Variants in TM2D2 observed in about 807,000 individuals in gnomAD.
TM2D2 encodes TM2 domain containing 2, also known as TM2 domain-containing protein 2.
In TM2D2, 19 loss-of-function variants were observed where a neutral mutation model predicts 23.0. The observed-to-expected ratio is 0.82, with a 90% CI of 0.58 to 1.21. TM2D2 has a LOEUF of 1.21. Among genes scored for constraint, TM2D2 ranks in the 50% most tolerant of loss-of-function variants. The probability of loss-of-function intolerance (pLI) is 0.00; values close to 1 mark genes in which losing one functional copy is unlikely to be tolerated. For missense variants in TM2D2, 246 were observed against 265.4 expected, an observed-to-expected ratio of 0.93 and a Z score of 0.51; for synonymous variants, 120 against 108.8, an observed-to-expected ratio of 1.10 and a Z score of -0.64.
chr8:38,996,453 G>T lies in TM2D2; in HGVS notation c.-14C>A. On this transcript the variant is annotated 5_prime_UTR_variant, in exon 1 of 4. It adds an upstream start codon to the 5' untranslated region. Transcript: ENST00000456397. ...ACCTAGCACCATCTTCCCGGGCACA[G>T]GAGCGGAGACCCGGCCTCAACCACA... The T allele has an allele frequency of 1.2e-6, 2 of 1,613,656 alleles. No individual in the cohort carries two copies. Among genetic ancestry groups the T allele is most frequent in the Non-Finnish European group, 8.5e-7 (1 of 1,179,826 alleles).
Position 38,996,317 on chromosome 8 carries a change from C to T in TM2D2, c.123G>A (p.Glu41=), listed in dbSNP as rs1464400131. ...SRSHSQNATA[E]PELTSAGAAQ... ...CGGCGCCAGCGGATGTGAGCTCAGG[C>T]TCAGCGGTCGCATTTTGCGAGTGGC... The change falls in exon 1 of 4, where the codon GAG becomes GAA. Residue 41 remains glutamate (E), a synonymous_variant. Coordinates refer to ENST00000456397, the MANE Select transcript of TM2D2 (RefSeq NM_078473.3). 1.6e-5 allele frequency: 26 copies of T among 1,614,178 alleles called. No individual in the cohort carries two copies. Among genetic ancestry groups the T allele is most frequent in the East Asian group, 2.2e-5 (1 of 44,886 alleles).
chr8:38,993,686 A>T, intron 2 of TM2D2, 26 bp from the exon 3 acceptor site: 1 of 1,539,600 alleles, frequency 6.5e-7, no homozygotes, highest in South Asian at 1.1e-5. Flanking sequence ...CAAGACCAAA[A>T]CCAACTCACC....
In TM2D2 at chr8:38,993,642, T is replaced by G; in HGVS notation, c.334A>C (p.Ser112Arg). The G allele has an allele frequency of 6.2e-7, 1 of 1,613,630 alleles. No individual in the cohort carries two copies. The highest frequency in any genetic ancestry group is 8.5e-7 in the Non-Finnish European group (1 of 1,179,608). ...TGGACTGAAGTGTGTTCCACGTCGC[T>G]GTAGGCCTGACCGCCGAACTGTGGA... is the stretch of plus-strand genomic sequence containing the variant. ...GCLKFGGQAY[S>R]DVEHTSVQCH... The change falls in exon 3 of 4, where the codon AGC (serine) becomes CGC (arginine). Residue 112 changes from serine to arginine, a missense_variant. By Grantham distance (110) the Ser-to-Arg change is moderately radical. Transcript: ENST00000456397.
chr8:38,991,573 G>A, intron 3 of TM2D2, 28 bp from the exon 4 acceptor site: 2 of 1,550,644 alleles, frequency 1.3e-6, no homozygotes, highest in South Asian at 1.1e-5. Context: ...AAAGGAAGAT[G>A]TTTTACTGCA....
upstream of TM2D2, chr8:38,996,837 G>A: frequency 6.9e-7 from 1 of 1,439,486 alleles, no homozygotes; most frequent in Admixed American, 2.7e-5. Context: ...TTCTCGCGCC[G>A]GGGACTGGAT....
Position 38,993,528 on chromosome 8 carries a change from A to G in TM2D2, c.431+17T>C. 5.7e-6 allele frequency: 9 copies of G among 1,571,086 alleles called. No individual in the cohort carries two copies. Among genetic ancestry groups the G allele is most frequent in the East Asian group, 2.2e-5 (1 of 44,500 alleles). The stretch of plus-strand genomic sequence containing the variant: ...CTCCAACCAAGTACCAACTACTCCA[A>G]TCAAAGTAACACTTACTTTATACAA... On this transcript the variant is annotated intron_variant, in intron 3 of 3. Coordinates refer to ENST00000456397, the MANE Select transcript of TM2D2 (RefSeq NM_078473.3).
At chr8:38,996,004 T>G (rs1564199418) in intron 1 of TM2D2, among the ~76,000 whole-genome samples, 1 of 152,188 alleles carries the variant, frequency 6.6e-6, no homozygotes, top group Non-Finnish European at 1.5e-5. Context: ...TTTTCCTCTT[T>G]GGGGATCTCA....
At chr8:38,993,749 G>A in intron 2 of TM2D2, 89 bp from the exon 3 acceptor site, 1 of 939,074 alleles carries the variant, frequency 1.1e-6, no homozygotes, top group Non-Finnish European at 1.6e-6. Context: ...CAGAATGAAA[G>A]CGGCCTCAGG....
upstream of TM2D2, chr8:38,996,582 G>A (rs1835810656): frequency 6.8e-7 from 1 of 1,464,386 alleles, no homozygotes; most frequent in South Asian, 1.4e-5. Context: ...GCAGCTCGAC[G>A]CTCCGCGCAC....
At position 38,991,372 on chromosome 8, in the gene TM2D2, A is replaced by G. The variant is rs1354596289; in HGVS notation, c.605T>C (p.Leu202Pro). Residue 202 changes from leucine to proline, a missense_variant, in exon 4 of 4, where the codon CTG becomes CCG. Physicochemically the swap from Leu to Pro is moderately conservative, Grantham distance 98. Around this residue, in one of 2 missense-constraint regions of TM2D2, gnomAD observed 34 missense variants for 63.2 expected, o/e 0.54. Transcript: ENST00000456397. Reference protein sequence around the residue: ...VDLILLITGGLMPSDGSNWCT... With the variant: ...VDLILLITGGPMPSDGSNWCT... ...CCAGTTGCTGCCATCACTTGGCATC[A>G]GCCCTCCAGTAATTAGCAAAATAAG... is the stretch of plus-strand genomic sequence containing the variant. The G allele has an allele frequency of 1.2e-6, 2 of 1,614,194 alleles. No homozygotes were observed. The highest frequency in any genetic ancestry group is 1.7e-6 in the Non-Finnish European group (2 of 1,180,024).
intron 3 of TM2D2, among the ~76,000 whole-genome samples, chr8:38,992,133 A>G (rs1021187825): frequency 6.6e-6 from 1 of 152,048 alleles, no homozygotes; most frequent in South Asian, 2.1e-4. Context: ...ACAGCCAGAA[A>G]GGTTTTTAAG....
rs902834216 is a variant in TM2D2 at position 38,994,218 on chromosome 8, C to A, written c.316-558G>T. Among the ~76,000 whole-genome samples the A allele has an allele frequency of 5.9e-5, 9 of 152,190 alleles. No individual in the cohort carries two copies. The South Asian group carries it at 1.5e-3, about 25-fold the overall frequency. ...TGTATTACCTGATATCTGTGGGACA[C>A]CTGTTAAGTTTAAATTCCAGCCAAA... On this transcript the variant is annotated intron_variant, in intron 2 of 3. Coordinates refer to ENST00000456397, the MANE Select transcript of TM2D2 (RefSeq NM_078473.3).
intron 2 of TM2D2, 38 bp from the exon 3 acceptor site, chr8:38,993,698 G>A: frequency 1.4e-6 from 2 of 1,465,620 alleles, no homozygotes; most frequent in Non-Finnish European, 1.9e-6. Context: ...CAACTCACCA[G>A]AGCAAGTGAC....
Position 38,990,177 on chromosome 8 carries a change from A to G in TM2D2, c.*1155T>C, listed in dbSNP as rs1835561986. 1 of 152,236 alleles carries G rather than the reference A, an allele frequency of 6.6e-6. No homozygotes were observed. The highest frequency in any genetic ancestry group is 2.1e-4 in the South Asian group (1 of 4,834). 9.4% of individuals were successfully genotyped at this position (152,236 alleles called of 1,614,324 possible). A position where few individuals can be genotyped will look rare whatever the true frequency, so the allele number is the denominator to read the frequency against. ...GCAAGAAATTCTTAGGAAAGCTACA[A>G]AATGATAGAATGTATCCAGGGAAGT... On this transcript the variant is annotated 3_prime_UTR_variant, in exon 4 of 4. Transcript: ENST00000456397.
At chr8:38,994,856 A>G (rs1002921937) in intron 2 of TM2D2, among the ~76,000 whole-genome samples, 10 of 151,928 alleles carry the variant, frequency 6.6e-5, no homozygotes, top group African/African-American at 1.5e-4. Flanking sequence ...GGTAGACTCT[A>G]TCTGTCTCCT....
intron 2 of TM2D2, 119 bp downstream of exon 2, chr8:38,995,199 G>A (rs547434716): frequency 8.0e-4 from 577 of 721,686 alleles, no homozygotes; most frequent in Non-Finnish European, 1.1e-3. Context: ...TTCCAGTAAC[G>A]GTCTTTCTGA....
chr8:38,996,851 T>G, upstream of TM2D2: 2 of 1,451,844 alleles, frequency 1.4e-6, no homozygotes, highest in Non-Finnish European at 1.8e-6. Context: ...ACTGGATTTT[T>G]CCCTACGTCA....
intron 1 of TM2D2, 83 bp downstream of exon 1, chr8:38,996,130 C>T: frequency 1.4e-6 from 2 of 1,453,870 alleles, no homozygotes; most frequent in Non-Finnish European, 1.9e-6. Context: ...AATGCAGCGT[C>T]CCCCCAACCC....
In TM2D2 at chr8:38,996,474, C is replaced by A; in HGVS notation, c.-35G>T. 6.2e-7 allele frequency: 1 copy of A among 1,612,484 alleles called. No homozygotes were observed. Among genetic ancestry groups the A allele is most frequent in the Non-Finnish European group, 8.5e-7 (1 of 1,179,132 alleles). On this transcript the variant is annotated 5_prime_UTR_variant, in exon 1 of 4. Coordinates refer to ENST00000456397, the MANE Select transcript of TM2D2 (RefSeq NM_078473.3). Reference sequence around the variant, plus strand: ...CACAGGAGCGGAGACCCGGCCTCAACCACAACCCCAGGCCAGCAGCACAGA... The same window carrying A: ...CACAGGAGCGGAGACCCGGCCTCAAACACAACCCCAGGCCAGCAGCACAGA...
Sources: gnomAD v4.1 joint callset for allele counts (sites outside exome capture counted in the v4.1 genomes callset) on GRCh38, gnomAD v4.1.1 for gene constraint, gnomAD v4.1.1 regional missense constraint, MANE v1.5 for transcripts, NCBI Gene and HGNC (gene_info 2026-07-23, HGNC 2026-07-21) for gene names.